ADGRL2: variants seen among roughly 807,000 people sequenced by gnomAD.
ADGRL2 encodes the protein calcium-independent alpha-latrotoxin receptor 2.
Under a neutral mutation model 157.4 loss-of-function variants are expected in ADGRL2, and 44 were observed. The ratio of observed to expected loss-of-function variants is 0.28; its 90% CI spans 0.22 to 0.36. The LOEUF (loss-of-function observed/expected upper bound fraction) is 0.36, where lower values mean the gene tolerates loss of function less well. ADGRL2 is among the 10% of genes least tolerant of loss of function. The probability of loss-of-function intolerance (pLI) is 1.00; values close to 1 mark genes in which losing one functional copy is unlikely to be tolerated. For synonymous variants in ADGRL2, 585 were observed against 624.7 expected, an observed-to-expected ratio of 0.94 and a Z score of 0.95; for missense variants, 1,510 against 1,768.9, an observed-to-expected ratio of 0.85 and a Z score of 2.63.
chr1:81,466,960 T>A (rs1239749933), intron 2 of ADGRL2, among the ~76,000 whole-genome samples: 1 of 152,056 alleles, frequency 6.6e-6, no homozygotes, highest in Non-Finnish European at 1.5e-5. Context: ...TTACTGTTTA[T>A]TCTTTAATGA....
At chr1:81,446,295 A>T (rs1000137863) in intron 2 of ADGRL2, among the ~76,000 whole-genome samples, 17 of 152,208 alleles carry the variant, frequency 1.1e-4, no homozygotes, top group Non-Finnish European at 1.9e-4. Context: ...ACATGCAAAC[A>T]TCAATTGGCA....
chr1:81,477,032 A>G (rs2078286309), intron 2 of ADGRL2, among the ~76,000 whole-genome samples: 1 of 152,208 alleles, frequency 6.6e-6, no homozygotes, highest in Admixed American at 6.5e-5. Flanking sequence ...TTGCCCAAAT[A>G]AAACTTATCC....
At chr1:81,672,310 C>T (rs1366650953) in intron 3 of ADGRL2, among the ~76,000 whole-genome samples, 1 of 152,196 alleles carries the variant, frequency 6.6e-6, no homozygotes, top group Non-Finnish European at 1.5e-5. Flanking sequence ...AAATCATTTT[C>T]AGCTTTCAAC....
chr1:81,442,699 C>T (rs1049626503), intron 1 of ADGRL2, among the ~76,000 whole-genome samples: 13 of 152,160 alleles, frequency 8.5e-5, no homozygotes, highest in African/African-American at 3.1e-4. Flanking sequence ...TGGACTGCAT[C>T]CAAGGACTGT....
At chr1:81,741,418 T>C (rs2085070383) in intron 1 of ADGRL2, among the ~76,000 whole-genome samples, 1 of 152,062 alleles carries the variant, frequency 6.6e-6, no homozygotes, top group African/African-American at 2.4e-5. Context: ...CATTCACATC[T>C]TGAGATCAAC....
At chr1:81,987,652 G>C (rs1024038657) in intron 22 of ADGRL2, among the ~76,000 whole-genome samples, 1 of 151,284 alleles carries the variant, frequency 6.6e-6, no homozygotes, top group African/African-American at 2.4e-5. Flanking sequence ...TTAAATAAAA[G>C]TATATATATA....
chr1:81,982,764 T>G (rs1478493904), intron 19 of ADGRL2, among the ~76,000 whole-genome samples: 1 of 151,950 alleles, frequency 6.6e-6, no homozygotes, highest in Non-Finnish European at 1.5e-5. Context: ...AAGCTATAAT[T>G]TTGAGATAAT....
At chr1:81,947,994 G>A (rs557093546) in intron 6 of ADGRL2, among the ~76,000 whole-genome samples, 8 of 152,090 alleles carry the variant, frequency 5.3e-5, no homozygotes, top group Admixed American at 2.6e-4. Context: ...CAGGGAGGGC[G>A]GATCACGAGG....
At chr1:81,382,333 A>G (rs1411713785) in intron 1 of ADGRL2, among the ~76,000 whole-genome samples, 1 of 152,120 alleles carries the variant, frequency 6.6e-6, no homozygotes, top group Non-Finnish European at 1.5e-5. Flanking sequence ...GTATTCCATT[A>G]TTATTGAGAC....
At chr1:81,725,203 C>CAAAAA (rs71592739) in intron 1 of ADGRL2, among the ~76,000 whole-genome samples, 1 of 77,314 alleles carries the variant, frequency 1.3e-5, no homozygotes, top group Non-Finnish European at 2.4e-5. Context: ...GACCCCGTCT[C>CAAAAA]AAAAAAAAAA....
chr1:81,463,924 C>G (rs2077994880), intron 2 of ADGRL2, among the ~76,000 whole-genome samples: 1 of 151,914 alleles, frequency 6.6e-6, no homozygotes, highest in African/African-American at 2.4e-5. Context: ...TTCTTAGGTT[C>G]GTCCTGATAA....
At chr1:81,499,466 C>G (rs2148002788) in intron 2 of ADGRL2, among the ~76,000 whole-genome samples, 1 of 152,334 alleles carries the variant, frequency 6.6e-6, no homozygotes, top group East Asian at 1.9e-4. Flanking sequence ...GGGACTTGAA[C>G]CCGGTTGTTA....
chr1:81,952,593 A>G (rs1652199190), intron 9 of ADGRL2, among the ~76,000 whole-genome samples: 1 of 152,124 alleles, frequency 6.6e-6, no homozygotes, highest in Admixed American at 6.6e-5. Context: ...GTCTCCAGGA[A>G]TATATTGTTA....
At chr1:81,757,704 T>G (rs1368235039) in intron 1 of ADGRL2, among the ~76,000 whole-genome samples, 1 of 152,242 alleles carries the variant, frequency 6.6e-6, no homozygotes, top group East Asian at 1.9e-4. Flanking sequence ...TAAACTACTT[T>G]AAAGTTAATT....
chr1:81,319,851 T>A (rs1660387622), intron 1 of ADGRL2, among the ~76,000 whole-genome samples: 1 of 152,218 alleles, frequency 6.6e-6, no homozygotes. Flanking sequence ...TGCTGACTTA[T>A]CAGGATGGTA....
At chr1:81,481,940 C>A (rs1202795953) in intron 2 of ADGRL2, among the ~76,000 whole-genome samples, 7 of 152,158 alleles carry the variant, frequency 4.6e-5, no homozygotes, top group Non-Finnish European at 1.0e-4. Context: ...TTAGACCCTT[C>A]CCACCCATAT....
At chr1:81,949,658 A>G (rs1451408282) in intron 6 of ADGRL2, among the ~76,000 whole-genome samples, 1 of 152,194 alleles carries the variant, frequency 6.6e-6, no homozygotes, top group African/African-American at 2.4e-5. Flanking sequence ...AGGCATGCTG[A>G]TCATGCTCAG....
chr1:81,967,675 A>G (rs1197680977), intron 13 of ADGRL2, among the ~76,000 whole-genome samples: 1 of 152,176 alleles, frequency 6.6e-6, no homozygotes, highest in Non-Finnish European at 1.5e-5. Context: ...GATTTTTAAA[A>G]CATTTGGTCC....
chr1:81,951,868 T>G (rs7413275), intron 8 of ADGRL2, 89 bp from the exon 9 acceptor site: 606,972 of 1,018,654 alleles, frequency 0.6, 183,215 homozygotes, highest in East Asian at 0.73. Flanking sequence ...TCGCAAATTT[T>G]TTTCACCACA....
Sources: gnomAD v4.1 joint callset for allele counts (sites outside exome capture counted in the v4.1 genomes callset) on GRCh38, gnomAD v4.1.1 for gene constraint, MANE v1.5 for transcripts, NCBI Gene and HGNC (gene_info 2026-07-23, HGNC 2026-07-21) for gene names.